ATRIP: variants seen among roughly 807,000 people sequenced by gnomAD.
ATRIP encodes ATR interacting protein, also known as ATR-interacting protein.
A neutral mutation model predicts 78.1 loss-of-function variants in ATRIP; 44 were observed. The ratio of observed to expected loss-of-function variants is 0.56; its 90% CI spans 0.44 to 0.72. ATRIP has a LOEUF of 0.72. Ranked by LOEUF, ATRIP falls within the 30% of genes least tolerant of loss-of-function variation. The pLI, the probability that ATRIP is intolerant of heterozygous loss-of-function variation, is 0.00. For synonymous variants in ATRIP, 388 were observed against 408.9 expected, an observed-to-expected ratio of 0.95 and a Z score of 0.62; for missense variants, 927 against 980.2, an observed-to-expected ratio of 0.95 and a Z score of 0.72.
intron 2 of ATRIP, among the ~76,000 whole-genome samples, chr3:48,451,287 C>G (rs1273872591): frequency 6.6e-6 from 1 of 152,088 alleles, no homozygotes; most frequent in Non-Finnish European, 1.5e-5. Context: ...CCCAAGAGTT[C>G]AAGACCAGCC....
rs2039685031 is a variant in ATRIP at position 48,446,838 on chromosome 3, C to T, written c.-8C>T. 1.4e-6 allele frequency: 2 copies of T among 1,398,238 alleles called. No individual in the cohort carries two copies. The highest frequency in any genetic ancestry group is 1.9e-6 in the Non-Finnish European group (2 of 1,076,806). The allele number at this position is 1,398,238 out of a possible 1,614,324, so 86.6% of individuals were successfully genotyped here. A position where few individuals can be genotyped will look rare whatever the true frequency, so the allele number is the denominator to read the frequency against. ...GGCGCTGTCGGATACTTGGGGTGAG[C>T]GGAAAGCATGGCGGGGACCTCCGCG... On this transcript the variant is annotated 5_prime_UTR_variant, in exon 1 of 13. Coordinates refer to ENST00000320211, the MANE Select transcript of ATRIP (RefSeq NM_130384.3).
rs775013326 is a variant in ATRIP at position 48,460,488 on chromosome 3, A to G, written c.1434A>G (p.Ala478=). ...VCILEGFSVT[A]LSILQHLVCH... ...TCCTGGAAGGCTTCTCTGTGACTGC[A>G]CTTAGCATTCTTCAGCACCTGGTGT... Residue 478 remains alanine (A), a synonymous_variant, in exon 8 of 13, where the codon GCA becomes GCG. Coordinates refer to ENST00000320211, the MANE Select transcript of ATRIP (RefSeq NM_130384.3). 3 of 1,611,958 alleles carry G rather than the reference A, an allele frequency of 1.9e-6. No homozygotes were observed. The Admixed American group carries it at 5.0e-5, about 27-fold the overall frequency.
chr3:48,451,819 G>C lies in ATRIP; in HGVS notation c.472G>C (p.Glu158Gln). The C allele has an allele frequency of 6.2e-7, 1 of 1,612,994 alleles. No homozygotes were observed. Among genetic ancestry groups the C allele is most frequent in the Non-Finnish European group, 8.5e-7 (1 of 1,179,274 alleles). ...ACATCAGACGGAATCCGTTCTAGAG[G>C]AACAGAGAAGATCACATTTTCTTCT... ...SLHQTESVLE[E>Q]QRRSHFLLEQ... The change falls in exon 3 of 13, where the codon GAA becomes CAA. Residue 158 changes from glutamate to glutamine, a missense_variant. Transcript: ENST00000320211.
intron 12 of ATRIP, 63 bp from the exon 13 acceptor site, chr3:48,465,424 G>T: frequency 6.6e-7 from 1 of 1,521,896 alleles, no homozygotes; most frequent in South Asian, 1.1e-5. Flanking sequence ...GAGGAGAGGT[G>T]GGACCTGCCC....
intron 10 of ATRIP, 84 bp downstream of exon 10, chr3:48,464,216 A>T: frequency 8.1e-7 from 1 of 1,235,236 alleles, no homozygotes; most frequent in Admixed American, 1.9e-5. Context: ...CGCTGAGGAG[A>T]AACGGAGCTT....
chr3:48,450,929 C>T (rs991020529), intron 2 of ATRIP, among the ~76,000 whole-genome samples: 1 of 151,864 alleles, frequency 6.6e-6, no homozygotes, highest in African/African-American at 2.4e-5. Context: ...TGGCTCACAC[C>T]TGTAATCCCA....
At chr3:48,456,307 A>C (rs1272484125) in intron 4 of ATRIP, among the ~76,000 whole-genome samples, 2 of 151,378 alleles carry the variant, frequency 1.3e-5, no homozygotes, top group East Asian at 3.9e-4. Context: ...TACTGGCCCC[A>C]GTGGCTCACG....
chr3:48,459,573 T>C (rs1301240451), intron 6 of ATRIP, 119 bp downstream of exon 6: 5 of 1,194,658 alleles, frequency 4.2e-6, no homozygotes, highest in Admixed American at 4.2e-5. Flanking sequence ...TCCAGGGAAG[T>C]CAAAGTATGT....
chr3:48,460,650 C>G lies in ATRIP; in HGVS notation c.1596C>G (p.Asp532Glu), dbSNP rs1448623346. 6 of 1,614,170 alleles carry G rather than the reference C, an allele frequency of 3.7e-6. No homozygotes were observed. The highest frequency in any genetic ancestry group is 5.1e-6 in the Non-Finnish European group (6 of 1,180,000). The change falls in exon 8 of 13, where the codon GAC becomes GAG. Residue 532 changes from aspartate to glutamate, a missense_variant. Coordinates refer to ENST00000320211, the MANE Select transcript of ATRIP (RefSeq NM_130384.3). ...MTSALRGVAD[D>E]QGQHPLLKML... ...CAGCCCTAAGGGGGGTTGCTGATGA[C>G]CAAGGACAGCACCCACTGTTGAAGA...
chr3:48,462,252 C>G (rs976239968), intron 8 of ATRIP, among the ~76,000 whole-genome samples: 4 of 145,582 alleles, frequency 2.7e-5, no homozygotes, highest in African/African-American at 1.0e-4. Context: ...AGAGTGAGAC[C>G]CTATCTCAAA....
intron 1 of ATRIP, among the ~76,000 whole-genome samples, chr3:48,449,184 T>C (rs190741429): frequency 4.0e-4 from 61 of 151,294 alleles, no homozygotes; most frequent in African/African-American, 1.5e-3. Context: ...GAGGCCAAGG[T>C]GGGCTGATCA....
rs1487998374 is a variant in ATRIP at position 48,464,598 on chromosome 3, C to G, written c.1991C>G (p.Ala664Gly). The G allele has an allele frequency of 6.2e-7, 1 of 1,614,076 alleles. No individual in the cohort carries two copies. Among genetic ancestry groups the G allele is most frequent in the Non-Finnish European group, 8.5e-7 (1 of 1,180,022 alleles). ...TTGTTCTAGGTGGTGTGGCTCCTGG[C>G]TAAGCTTGGTGTGCAGAGCCCCTTG... Reference protein sequence around the residue: ...QLEQEVVWLLAKLGVQSPLPP... With the variant: ...QLEQEVVWLLGKLGVQSPLPP... Residue 664 changes from alanine to glycine, a missense_variant, in exon 11 of 13, where the codon GCT (alanine) becomes GGT (glycine). Coordinates refer to ENST00000320211, the MANE Select transcript of ATRIP (RefSeq NM_130384.3).
In ATRIP at chr3:48,447,017, G is replaced by A; in HGVS notation, c.172G>A (p.Asp58Asn). The change falls in exon 1 of 13, where the codon GAC becomes AAC. Residue 58 changes from aspartate to asparagine, a missense_variant. Transcript: ENST00000320211. The part of the protein sequence containing the change: ...PFGAHGDFTA[D>N]DLEELDTLAS... The stretch of plus-strand genomic sequence containing the variant: ...CGGCGCGCATGGGGACTTCACTGCC[G>A]ACGACCTGGAGGAGCTTGACACCCT... 3 of 1,580,762 alleles carry A rather than the reference G, an allele frequency of 1.9e-6. No individual in the cohort carries two copies. Among genetic ancestry groups the A allele is most frequent in the Non-Finnish European group, 2.6e-6 (3 of 1,166,392 alleles).
rs744087 is a variant in ATRIP at position 48,459,874 on chromosome 3, A to G, written c.1013A>G (p.Glu338Gly). ...SLCHLLSSSS[E>G]SPAGTPLQPP... ...TGCCACCTCCTGAGTAGTAGTTCTGAGTCTCCTGCTGGCACCCCCCTGCAG... is the reference window on the plus strand; with the variant it reads ...TGCCACCTCCTGAGTAGTAGTTCTGGGTCTCCTGCTGGCACCCCCCTGCAG... Residue 338 changes from glutamate to glycine, a missense_variant, in exon 7 of 13, where the codon GAG (glutamate) becomes GGG (glycine). Transcript: ENST00000320211. 2 of 1,613,982 alleles carry G rather than the reference A, an allele frequency of 1.2e-6. No individual in the cohort carries two copies. Among genetic ancestry groups the G allele is most frequent in the Non-Finnish European group, 1.7e-6 (2 of 1,179,940 alleles).
intron 12 of ATRIP, 148 bp downstream of exon 12, chr3:48,465,231 C>T: frequency 8.9e-7 from 1 of 1,126,284 alleles, no homozygotes; most frequent in Non-Finnish European, 1.2e-6. Flanking sequence ...ATCTTCCTGC[C>T]TCAGTTCTTC....
intron 3 of ATRIP, among the ~76,000 whole-genome samples, chr3:48,452,498 T>C (rs1433982518): frequency 6.6e-6 from 1 of 151,876 alleles, no homozygotes; most frequent in Non-Finnish European, 1.5e-5. Context: ...CCTGGGCAAC[T>C]AGTGAGACCT....
In ATRIP at chr3:48,463,654, T is replaced by C; in HGVS notation, c.1746-91T>C. The C allele has an allele frequency of 1.9e-6, 3 of 1,539,316 alleles. No individual in the cohort carries two copies. The South Asian group carries it at 3.7e-5, about 19-fold the overall frequency. On this transcript the variant is annotated intron_variant, in intron 8 of 12. Coordinates refer to ENST00000320211, the MANE Select transcript of ATRIP (RefSeq NM_130384.3). ...AACTCACCTGTTCATACTGACTTGCTCAATTTTCTGTTACCTCTAGTGGAG... is the reference window on the plus strand; with the variant it reads ...AACTCACCTGTTCATACTGACTTGCCCAATTTTCTGTTACCTCTAGTGGAG...
chr3:48,464,471 G>A (rs1486253905), intron 10 of ATRIP, 111 bp from the exon 11 acceptor site: 2 of 1,225,294 alleles, frequency 1.6e-6, no homozygotes, highest in East Asian at 4.7e-5. Context: ...GACCCCATTT[G>A]TGCAGACAAA....
chr3:48,465,140 C>T, intron 12 of ATRIP, 57 bp downstream of exon 12: 1 of 1,563,466 alleles, frequency 6.4e-7, no homozygotes. Flanking sequence ...AGAGGTTCCC[C>T]AACAAGTCAG....
Sources: allele counts gnomAD v4.1 joint callset (sites outside exome capture counted in the v4.1 genomes callset), GRCh38; gene constraint gnomAD v4.1.1; transcripts MANE v1.5; gene names NCBI Gene and HGNC (gene_info 2026-07-23, HGNC 2026-07-21).